The following THSD7A variants were observed in gnomAD, a reference collection of about 807,000 sequenced individuals.
THSD7A encodes thrombospondin type 1 domain containing 7A, also known as thrombospondin type-1 domain-containing protein 7A.
A neutral mutation model predicts 231.3 loss-of-function variants in THSD7A; 96 were observed. The observed-to-expected ratio is 0.41, with a 90% confidence interval of 0.35 to 0.49. The LOEUF is 0.49. Among genes scored for constraint, THSD7A ranks in the 20% least tolerant of loss-of-function variants. THSD7A has a pLI of 0.05. For missense variants in THSD7A, 2,290 were observed against 2,070.2 expected (o/e 1.11, Z -2.06); for synonymous variants, 940 against 743.3 (o/e 1.26, Z -4.30).
rs182142671 is a variant in THSD7A, at chr7:11,373,879, G to C, written c.*1915C>G. 1.3e-5 allele frequency: 2 copies of C among 152,112 alleles called. No individual in the cohort carries two copies. The highest frequency in any genetic ancestry group is 6.6e-5 in the Admixed American group (1 of 15,232). The allele number at this position is 152,112 out of a possible 1,614,324, so 9.4% of individuals were successfully genotyped here. A position where few individuals can be genotyped will look rare whatever the true frequency, so the allele number is the denominator to read the frequency against. ...AAAGCTAGTGTCCTCTCTCACAAAG[G>C]TTGTTGCAATAATGTTGCCTGAAAA... On this transcript the variant is annotated 3_prime_UTR_variant, in exon 28 of 28. Coordinates refer to ENST00000423059, the MANE Select transcript of THSD7A (RefSeq NM_015204.3).
intron 1 of THSD7A, among the ~76,000 whole-genome samples, chr7:11,707,110 T>G (rs143269579): frequency 2.7e-5 from 4 of 150,888 alleles, no homozygotes; most frequent in African/African-American, 9.7e-5. Flanking sequence ...CATATTGAAT[T>G]TAGAAAATGA....
At chr7:11,594,541 C>A (rs1780287707) in intron 2 of THSD7A, among the ~76,000 whole-genome samples, 1 of 152,080 alleles carries the variant, frequency 6.6e-6, no homozygotes, top group Non-Finnish European at 1.5e-5. Flanking sequence ...ATTTGACGCT[C>A]CTGATTCATT....
chr7:11,803,306 G>C (rs1043288168), intron 1 of THSD7A, among the ~76,000 whole-genome samples: 1 of 152,124 alleles, frequency 6.6e-6, no homozygotes, highest in Non-Finnish European at 1.5e-5. Context: ...GTGAGGCTTA[G>C]AAAAATTAAC....
At chr7:11,566,929 C>T (rs1344537779) in intron 4 of THSD7A, among the ~76,000 whole-genome samples, 3 of 116,906 alleles carry the variant, frequency 2.6e-5, no homozygotes, top group South Asian at 2.7e-4. Flanking sequence ...CTGATAAAAC[C>T]GCATCTCAGG....
At chr7:11,754,199 A>G (rs1782601637) in intron 1 of THSD7A, among the ~76,000 whole-genome samples, 2 of 152,074 alleles carry the variant, frequency 1.3e-5, no homozygotes, top group Non-Finnish European at 2.9e-5. Context: ...CCATGTCTAA[A>G]GAAGTAAAAG....
Position 11,753,723 on chromosome 7 carries a change from T to C in THSD7A, c.190+78034A>G, listed in dbSNP as rs1562530275. ...TGAAAAACACTTAAGAAAGTTGCTA[T>C]TTGGAAAAGATTAATGCACTTGCTA... is the stretch of plus-strand genomic sequence containing the variant. On this transcript the variant is annotated intron_variant, in intron 1 of 27. Coordinates refer to ENST00000423059, the MANE Select transcript of THSD7A (RefSeq NM_015204.3). 4.0e-5 allele frequency among the ~76,000 whole-genome samples: 6 copies of C among 151,896 alleles called. No individual in the cohort carries two copies. In the South Asian group the frequency reaches 1.2e-3, roughly 32 times the overall value.
chr7:11,406,067 A>T lies in THSD7A; in HGVS notation c.4237+233T>A, dbSNP rs1353630314. On this transcript the variant is annotated intron_variant, in intron 22 of 27. Transcript: ENST00000423059. The surrounding 1 kb of genome is among the most constrained non-coding windows in gnomAD (Gnocchi z 4.7). ...TTAAATACCATCTCCTGCAGATGTT[A>T]AAACTCCAGAGGGTGTTGAGAGGCC... Among the ~76,000 whole-genome samples the T allele has an allele frequency of 1.3e-5, 2 of 152,176 alleles. No homozygotes were observed. The highest frequency in any genetic ancestry group is 2.9e-5 in the Non-Finnish European group (2 of 68,036).
chr7:11,801,912 T>C (rs868299202), intron 1 of THSD7A, among the ~76,000 whole-genome samples: 1 of 152,210 alleles, frequency 6.6e-6, no homozygotes, highest in African/African-American at 2.4e-5. Context: ...GGAATAACAT[T>C]AAATCAGTTG....
At chr7:11,795,496 C>T (rs1050750439) in intron 1 of THSD7A, among the ~76,000 whole-genome samples, 2 of 151,876 alleles carry the variant, frequency 1.3e-5, no homozygotes, top group African/African-American at 4.8e-5. Flanking sequence ...CCGGGAATGA[C>T]ATGACGAAAA....
intron 1 of THSD7A, among the ~76,000 whole-genome samples, chr7:11,769,229 TC>T (rs1449883672): frequency 6.9e-6 from 1 of 145,058 alleles, no homozygotes; most frequent in Non-Finnish European, 1.5e-5. Flanking sequence ...ACTCCTGACC[TC>T]AGGTGATCTG....
intron 13 of THSD7A, among the ~76,000 whole-genome samples, chr7:11,435,799 G>A (rs1426498871): frequency 6.6e-6 from 1 of 151,820 alleles, no homozygotes; most frequent in Non-Finnish European, 1.5e-5. Flanking sequence ...GGCAGTACTG[G>A]GAAGTCAGAA....
At chr7:11,596,652 C>G (rs767224205) in intron 2 of THSD7A, among the ~76,000 whole-genome samples, 2 of 152,182 alleles carry the variant, frequency 1.3e-5, no homozygotes, top group Non-Finnish European at 1.5e-5. Context: ...CCATCAAGGA[C>G]CTGAAAGACG....
chr7:11,532,126 G>A (rs1447850764), intron 6 of THSD7A, among the ~76,000 whole-genome samples: 1 of 151,758 alleles, frequency 6.6e-6, no homozygotes, highest in Non-Finnish European at 1.5e-5. Flanking sequence ...TAGTCTACTG[G>A]AACATGAGAG....
intron 23 of THSD7A, among the ~76,000 whole-genome samples, chr7:11,387,033 T>G (rs959611434): frequency 6.6e-6 from 1 of 152,308 alleles, no homozygotes; most frequent in African/African-American, 2.4e-5. Flanking sequence ...ATGTGTGGTG[T>G]TATTTCTGAG....
intron 23 of THSD7A, among the ~76,000 whole-genome samples, chr7:11,396,597 G>T (rs1783196424): frequency 6.6e-6 from 1 of 152,120 alleles, no homozygotes; most frequent in South Asian, 2.1e-4. Flanking sequence ...CTGAATCCCT[G>T]AAGAGACCAA....
chr7:11,509,814 T>A (rs1209986852), intron 6 of THSD7A, among the ~76,000 whole-genome samples: 9 of 18,306 alleles, frequency 4.9e-4, no homozygotes, highest in South Asian at 1.4e-3. Context: ...AGAGCCAGAG[T>A]CCGTCTCAAA....
chr7:11,743,147 A>T (rs1782167573), intron 1 of THSD7A, among the ~76,000 whole-genome samples: 1 of 151,890 alleles, frequency 6.6e-6, no homozygotes, highest in Admixed American at 6.6e-5. Flanking sequence ...TTTCTCATTA[A>T]CATTTACGAA....
chr7:11,436,388 A>G (rs746218493), intron 13 of THSD7A, among the ~76,000 whole-genome samples: 27 of 152,110 alleles, frequency 1.8e-4, no homozygotes, highest in Non-Finnish European at 3.5e-4. Context: ...CTGGATTCTA[A>G]TAAGTATTAA....
intron 1 of THSD7A, among the ~76,000 whole-genome samples, chr7:11,793,909 A>G (rs1458491505): frequency 2.0e-5 from 3 of 151,946 alleles, no homozygotes; most frequent in Non-Finnish European, 4.4e-5. Context: ...CTAACAATAT[A>G]CATATGTATT....
Sources: allele counts gnomAD v4.1 joint callset (sites outside exome capture counted in the v4.1 genomes callset), GRCh38; gene constraint gnomAD v4.1.1; non-coding constraint Gnocchi (gnomAD v3.1); transcripts MANE v1.5; gene names NCBI Gene and HGNC (gene_info 2026-07-23, HGNC 2026-07-21).